Variants in PRRG2 observed in about 807,000 individuals in gnomAD.
PRRG2 encodes the protein transmembrane gamma-carboxyglutamic acid protein 2.
Under a neutral mutation model 27.1 loss-of-function variants are expected in PRRG2, and 23 were observed. The observed-to-expected ratio is 0.85, with a 90% CI of 0.61 to 1.20. The LOEUF (loss-of-function observed/expected upper bound fraction) is 1.20. PRRG2 is among the 50% of genes most tolerant of loss of function. The pLI, the probability that PRRG2 is intolerant of heterozygous loss-of-function variation, is 0.00. For synonymous variants in PRRG2, 104 were observed against 103.4 expected (o/e 1.01, Z -0.03); for missense variants, 276 against 254.8 (o/e 1.08, Z -0.57).
At chr19:49,585,242 G>A (rs983621736) in intron 4 of PRRG2, among the ~76,000 whole-genome samples, 5 of 152,182 alleles carry the variant, frequency 3.3e-5, no homozygotes, top group African/African-American at 7.2e-5. Context: ...AAGGCCTTCT[G>A]CCCACTGGAG....
At chr19:49,582,985 T>C (rs548141506) in intron 1 of PRRG2, among the ~76,000 whole-genome samples, 4 of 151,204 alleles carry the variant, frequency 2.6e-5, no homozygotes, top group Admixed American at 2.0e-4. Context: ...GAGCTGAGAC[T>C]GTGCCACTGC....
intron 6 of PRRG2, 57 bp downstream of exon 6, chr19:49,590,109 G>A: frequency 6.9e-7 from 1 of 1,443,176 alleles, no homozygotes; most frequent in Non-Finnish European, 9.1e-7. Context: ...CACGTTGGAG[G>A]AGGAACCTGG....
Position 49,583,951 on chromosome 19 carries a change from A to T in PRRG2, c.300A>T (p.Gly100=), listed in dbSNP as rs2080649321. ...FWESYIYNGK[G]GRGRVDVASL... Reference sequence around the variant, plus strand: ...AGAGCTACATCTACAATGGCAAAGGAGGTGAGTGAGGGGCTGAAGCCATCT... The same window carrying T: ...AGAGCTACATCTACAATGGCAAAGGTGGTGAGTGAGGGGCTGAAGCCATCT... Residue 100 remains glycine, a splice_region_variant and synonymous_variant, in exon 4 of 7, where the codon GGA becomes GGT. Transcript: ENST00000246794. The T allele has an allele frequency of 1.9e-6, 3 of 1,613,160 alleles. No homozygotes were observed. Among genetic ancestry groups the T allele is most frequent in the Non-Finnish European group, 2.5e-6 (3 of 1,179,546 alleles).
intron 4 of PRRG2, among the ~76,000 whole-genome samples, chr19:49,584,499 C>T (rs1284370942): frequency 6.6e-6 from 1 of 152,094 alleles, no homozygotes; most frequent in Non-Finnish European, 1.5e-5. Flanking sequence ...GACAGGGTCT[C>T]GCTGTGTCAC....
chr19:49,584,945 C>T (rs2080657980), intron 4 of PRRG2, among the ~76,000 whole-genome samples: 2 of 152,306 alleles, frequency 1.3e-5, no homozygotes, highest in South Asian at 4.1e-4. Context: ...GGACACAGCC[C>T]TCTAGCAACA....
In PRRG2 at chr19:49,581,400, C is replaced by G. The variant is rs992020716; in HGVS notation, c.-95C>G. The stretch of plus-strand genomic sequence containing the variant: ...TCCTCCTTATCCCCTCCCCTCTTCC[C>G]TGTCCCCTTTCACAGCTGGCTGTAG... On this transcript the variant is annotated 5_prime_UTR_variant, in exon 1 of 7. Coordinates refer to ENST00000246794, the MANE Select transcript of PRRG2 (RefSeq NM_000951.3). 1 of 152,364 alleles carries G rather than the reference C, an allele frequency of 6.6e-6. No individual in the cohort carries two copies. Among genetic ancestry groups the G allele is most frequent in the Non-Finnish European group, 1.5e-5 (1 of 68,142 alleles). 9.4% of individuals were successfully genotyped at this position (152,364 alleles called of 1,614,324 possible). A position where few individuals can be genotyped will look rare whatever the true frequency, so the allele number is the denominator to read the frequency against.
chr19:49,590,535 GCA>G lies in PRRG2; in HGVS notation c.*150_*151del, dbSNP rs2080713064. Reference sequence around the variant, plus strand: ...GTCATCCGGCCCGAGGCCTGCCCTGGCACACGCGTTTCCGCCGCGTATGGATA... The same window carrying G: ...GTCATCCGGCCCGAGGCCTGCCCTGGCACGCGTTTCCGCCGCGTATGGATA... On this transcript the variant is annotated 3_prime_UTR_variant, in exon 7 of 7. Transcript: ENST00000246794. The G allele has an allele frequency of 5.2e-6, 6 of 1,159,622 alleles. No homozygotes were observed. In the East Asian group the frequency reaches 1.4e-4, roughly 27 times the overall value. 71.8% of individuals were successfully genotyped at this position (1,159,622 alleles called of 1,614,324 possible).
chr19:49,584,850 G>A (rs541470182), intron 4 of PRRG2, among the ~76,000 whole-genome samples: 3 of 152,258 alleles, frequency 2.0e-5, no homozygotes, highest in South Asian at 4.2e-4. Context: ...CAGGCCTTAG[G>A]CTCAGAGGGG....
In PRRG2 at chr19:49,583,668, G is replaced by A. The variant is rs746995861; in HGVS notation, c.212G>A (p.Arg71Lys). The A allele has an allele frequency of 5.6e-6, 9 of 1,614,198 alleles. No homozygotes were observed. The highest frequency in any genetic ancestry group is 1.1e-5 in the South Asian group (1 of 91,082). The stretch of plus-strand genomic sequence containing the variant: ...CTGGAACGGGAGTGTCTGGAAGAGA[G>A]GTGTTCCTGGGAAGAGGCCAGGGAG... ...GNLERECLEE[R>K]CSWEEAREYF... is the part of the protein sequence containing the mutation. The change falls in exon 3 of 7, where the codon AGG becomes AAG. Residue 71 changes from arginine (R) to lysine (K), a missense_variant. By Grantham distance (26) the Arg-to-Lys change is conservative (BLOSUM62 2). Coordinates refer to ENST00000246794, the MANE Select transcript of PRRG2 (RefSeq NM_000951.3).
At chr19:49,584,838 G>A (rs748007646) in intron 4 of PRRG2, among the ~76,000 whole-genome samples, 13 of 152,166 alleles carry the variant, frequency 8.5e-5, no homozygotes, top group African/African-American at 2.4e-4. Flanking sequence ...TGTGGGGCCC[G>A]TCAGGCCTTA....
intron 1 of PRRG2, 60 bp downstream of exon 1, chr19:49,581,541 G>C (rs980454871): frequency 6.6e-6 from 1 of 152,074 alleles, no homozygotes; most frequent in Non-Finnish European, 1.5e-5. Context: ...CTGGCTCCCC[G>C]CCCCTCCGAG....
chr19:49,584,058 G>A, intron 4 of PRRG2, 106 bp downstream of exon 4: 1 of 1,243,060 alleles, frequency 8.0e-7, no homozygotes, highest in Non-Finnish European at 1.1e-6. Flanking sequence ...AGAATCGTCT[G>A]CCCCCCAATT....
At chr19:49,582,904 G>A (rs2080638819) in intron 1 of PRRG2, among the ~76,000 whole-genome samples, 1 of 151,600 alleles carries the variant, frequency 6.6e-6, no homozygotes, top group Admixed American at 6.6e-5. Flanking sequence ...GGTGGCGCAT[G>A]CCTGTAATCC....
At chr19:49,589,753 A>C in intron 5 of PRRG2, 147 bp from the exon 6 acceptor site, 1 of 867,352 alleles carries the variant, frequency 1.2e-6, no homozygotes, top group Non-Finnish European at 1.8e-6. Flanking sequence ...GCTAGGCTGA[A>C]GGTGACCCTC....
intron 1 of PRRG2, among the ~76,000 whole-genome samples, chr19:49,582,749 T>C (rs773296295): frequency 1.3e-5 from 2 of 151,708 alleles, no homozygotes; most frequent in African/African-American, 2.4e-5. Flanking sequence ...GCACCTGTAG[T>C]CCCAGCTACT....
intron 4 of PRRG2, among the ~76,000 whole-genome samples, chr19:49,584,850 G>T (rs541470182): frequency 6.6e-6 from 1 of 152,140 alleles, no homozygotes; most frequent in Non-Finnish European, 1.5e-5. Flanking sequence ...CAGGCCTTAG[G>T]CTCAGAGGGG....
At chr19:49,590,172 AGTGCGG>A in intron 6 of PRRG2, 120 bp downstream of exon 6, 1 of 1,245,104 alleles carries the variant, frequency 8.0e-7, no homozygotes, top group Non-Finnish European at 1.1e-6. Flanking sequence ...CGGGGCTTGG[AGTGCGG>A]GGGCGGGGCC....
chr19:49,590,344 C>T (rs2080710481), intron 6 of PRRG2, 27 bp from the exon 7 acceptor site: 2 of 1,613,958 alleles, frequency 1.2e-6, no homozygotes, highest in African/African-American at 1.3e-5. Context: ...AGATCTTTGA[C>T]TCCCTAGTGT....
rs2080712571 is a variant in PRRG2, at chr19:49,590,493, G to A, written c.*104G>A. 2 of 1,524,770 alleles carry A rather than the reference G, an allele frequency of 1.3e-6. No homozygotes were observed. The highest frequency in any genetic ancestry group is 1.8e-6 in the Non-Finnish European group (2 of 1,105,652). 94.5% of individuals were successfully genotyped at this position (1,524,770 alleles called of 1,614,324 possible). ...ACGCCGAAGCTGGACTTGGAGTGGG[G>A]AATGGTGGGAGTAGGGGTCATCCGG... On this transcript the variant is annotated 3_prime_UTR_variant, in exon 7 of 7. Coordinates refer to ENST00000246794, the MANE Select transcript of PRRG2 (RefSeq NM_000951.3).
Sources: allele counts gnomAD v4.1 joint callset (sites outside exome capture counted in the v4.1 genomes callset), GRCh38; gene constraint gnomAD v4.1.1; transcripts MANE v1.5; gene names NCBI Gene and HGNC (gene_info 2026-07-23, HGNC 2026-07-21).